POLR3A: variants seen among roughly 807,000 people sequenced by gnomAD.
POLR3A encodes RNA polymerase III subunit A, also known as DNA-directed RNA polymerase III subunit RPC1.
In POLR3A, 112 loss-of-function variants were observed where a neutral mutation model predicts 152.8. The observed-to-expected ratio is 0.73, with a 90% confidence interval of 0.63 to 0.86. POLR3A has a LOEUF of 0.86. Among genes scored for constraint, POLR3A ranks in the 40% least tolerant of loss-of-function variants. The pLI, the probability that POLR3A is intolerant of heterozygous loss-of-function variation, is 0.00. For missense variants in POLR3A, 1,385 were observed against 1,743.1 expected (o/e 0.79, Z 3.66); for synonymous variants, 615 against 652.1 (o/e 0.94, Z 0.87).
Position 77,993,370 on chromosome 10 carries a change from A to G in POLR3A, c.2617-3T>C, listed in dbSNP as rs1369801001. The G allele has an allele frequency of 1.2e-6, 2 of 1,612,748 alleles. No individual in the cohort carries two copies. The highest frequency in any genetic ancestry group is 2.2e-5 in the East Asian group (1 of 44,854). On this transcript the variant is annotated splice_region_variant and splice_polypyrimidine_tract_variant and intron_variant, in intron 19 of 30. Transcript: ENST00000372371. ...TCAAGAGATTTGACAAGCCTTCGCT[A>G]AAGGAAAAGGAGGAAAAAGCTCAGC...
Position 78,019,256 on chromosome 10 carries a change from C to A in POLR3A, c.1195G>T (p.Ala399Ser). Residue 399 changes from alanine (A) to serine (S), a missense_variant, in exon 9 of 31, where the codon GCA becomes TCA. Physicochemically the swap from Ala to Ser is moderately conservative, Grantham distance 99. Coordinates refer to ENST00000372371, the MANE Select transcript of POLR3A (RefSeq NM_007055.4). ...AGTTTCCTCAAGAAATTGATGTTTG[C>A]TTTGTTTACCTGCAGTACAAAAAAA... ...ILTFPEKVNK[A>S]NINFLRKLVQ... is the part of the protein sequence containing the mutation. 4 of 1,612,430 alleles carry A rather than the reference C, an allele frequency of 2.5e-6. No homozygotes were observed. Among genetic ancestry groups the A allele is most frequent in the Non-Finnish European group, 3.4e-6 (4 of 1,178,652 alleles).
At position 78,009,898 on chromosome 10, in the gene POLR3A, A is replaced by T. The variant is rs1460084209; in HGVS notation, c.1736T>A (p.Ile579Asn). 1.2e-6 allele frequency: 2 copies of T among 1,614,048 alleles called. No homozygotes were observed. Among genetic ancestry groups the T allele is most frequent in the African/African-American group, 2.7e-5 (2 of 74,966 alleles). ...TGTAGGCGGTGGGAGGCGAACTTTA[A>T]TTTTCTCATCCTTGCCAACCAGTAT... is the stretch of plus-strand genomic sequence containing the variant. ...ASILVGKDEKIKVRLPPPTIL... is the reference protein window; with the variant it reads ...ASILVGKDEKNKVRLPPPTIL... The change falls in exon 13 of 31, where the codon ATT (isoleucine) becomes AAT (asparagine). Residue 579 changes from isoleucine to asparagine, a missense_variant. Ile to Asn is a moderately radical substitution (Grantham distance 149). Transcript: ENST00000372371.
intron 11 of POLR3A, among the ~76,000 whole-genome samples, chr10:78,011,854 G>A (rs957748104): frequency 6.6e-6 from 1 of 152,122 alleles, no homozygotes; most frequent in African/African-American, 2.4e-5. Flanking sequence ...TGGTAACTAA[G>A]GATTCTTCTA....
intron 16 of POLR3A, among the ~76,000 whole-genome samples, chr10:78,003,593 C>T (rs1035850402): frequency 1.5e-4 from 23 of 152,242 alleles, no homozygotes; most frequent in Admixed American, 1.2e-3. Flanking sequence ...CTCCCTCTTC[C>T]GCATCCAAGT....
intron 14 of POLR3A, 101 bp from the exon 15 acceptor site, chr10:78,007,967 C>G: frequency 4.7e-6 from 3 of 635,818 alleles, no homozygotes; most frequent in Non-Finnish European, 7.3e-6. Flanking sequence ...CATACTGACA[C>G]TTAAAGCAGA....
chr10:78,029,487 G>T lies in POLR3A; in HGVS notation c.-80C>A. ...GATGCCCCCAGCACCTCCTGGGGCT[G>T]CTTCTGGACTCGCCGCTAACACATC... is the stretch of plus-strand genomic sequence containing the variant. On this transcript the variant is annotated 5_prime_UTR_variant, in exon 1 of 31. Coordinates refer to ENST00000372371, the MANE Select transcript of POLR3A (RefSeq NM_007055.4). 1.4e-6 allele frequency: 2 copies of T among 1,421,648 alleles called. No individual in the cohort carries two copies. The highest frequency in any genetic ancestry group is 2.0e-6 in the Non-Finnish European group (2 of 1,009,972). The allele number at this position is 1,421,648 out of a possible 1,614,324, so 88.1% of individuals were successfully genotyped here. A position where few individuals can be genotyped will look rare whatever the true frequency, so the allele number is the denominator to read the frequency against.
chr10:78,015,203 G>A (rs1847507097), intron 10 of POLR3A, among the ~76,000 whole-genome samples: 1 of 152,294 alleles, frequency 6.6e-6, no homozygotes, highest in Middle Eastern at 3.4e-3. Context: ...ACAGATATGG[G>A]TTCATCGAAG....
At chr10:78,010,941 C>T (rs1028331257) in intron 11 of POLR3A, among the ~76,000 whole-genome samples, 3 of 152,152 alleles carry the variant, frequency 2.0e-5, no homozygotes, top group African/African-American at 7.2e-5. Flanking sequence ...CCTCATGGGG[C>T]TCAAGTGATC....
intron 15 of POLR3A, among the ~76,000 whole-genome samples, chr10:78,007,166 A>G (rs1847419761): frequency 6.6e-6 from 1 of 152,234 alleles, no homozygotes; most frequent in South Asian, 2.1e-4. Flanking sequence ...GTAGAGCAGT[A>G]CCTTCAAAAT....
rs766854953 is a variant in POLR3A, at chr10:78,021,604, C to T, written c.1127G>A (p.Arg376Gln). The T allele has an allele frequency of 2.0e-5, 33 of 1,614,078 alleles. No homozygotes were observed. The highest frequency in any genetic ancestry group is 2.5e-5 in the Non-Finnish European group (30 of 1,179,960). Residue 376 changes from arginine to glutamine, a missense_variant, in exon 8 of 31, where the codon CGG becomes CAG. Physicochemically the swap from Arg to Gln is conservative, Grantham distance 43. Around this residue, in one of 7 missense-constraint regions of POLR3A, gnomAD observed 493 missense variants for 647.5 expected, o/e 0.76. Transcript: ENST00000372371. ...AACTGGCACAGCTACCTCATCAATC[C>T]GGAGGTTGGGGTCGGGCGAGATGAC... ...RTVISPDPNL[R>Q]IDEVAVPVHV... is the part of the protein sequence containing the mutation.
chr10:77,985,893 G>A lies in POLR3A; in HGVS notation c.3071+10C>T, dbSNP rs1419231296. The A allele has an allele frequency of 1.2e-6, 2 of 1,607,160 alleles. No homozygotes were observed. The highest frequency in any genetic ancestry group is 2.2e-5 in the South Asian group (2 of 90,968). On this transcript the variant is annotated intron_variant, in intron 23 of 30. Transcript: ENST00000372371. Reference sequence around the variant, plus strand: ...GGATGACCGTCAGTCCAAGACAAAAGCATCCCTACCTCATGTACTTGTCCC... The same window carrying A: ...GGATGACCGTCAGTCCAAGACAAAAACATCCCTACCTCATGTACTTGTCCC...
intron 15 of POLR3A, among the ~76,000 whole-genome samples, chr10:78,005,106 G>C (rs151033603): frequency 3.9e-4 from 60 of 152,296 alleles, no homozygotes; most frequent in African/African-American, 1.3e-3. Flanking sequence ...AAATGACTAG[G>C]ACTCAACTGA....
At chr10:78,004,018 G>A (rs149639273) in intron 16 of POLR3A, among the ~76,000 whole-genome samples, 4,382 of 150,342 alleles carry the variant, frequency 0.029, 210 homozygotes, top group African/African-American at 0.1. Context: ...GGCAGATCAC[G>A]AGGTCAGGAG....
intron 9 of POLR3A, 116 bp from the exon 10 acceptor site, chr10:78,017,832 C>A: frequency 8.6e-7 from 1 of 1,165,082 alleles, no homozygotes; most frequent in East Asian, 2.4e-5. Flanking sequence ...TAAGATGCCT[C>A]CATTTTAATG....
At chr10:77,993,096 T>C (rs1847264712) in intron 20 of POLR3A, 101 bp downstream of exon 20, 1 of 883,940 alleles carries the variant, frequency 1.1e-6, no homozygotes, top group Non-Finnish European at 1.9e-6. Context: ...TTATAAATAC[T>C]GAAGTATTTA....
At chr10:77,985,874 C>A in intron 23 of POLR3A, 29 bp downstream of exon 23, 2 of 1,544,762 alleles carry the variant, frequency 1.3e-6, no homozygotes, top group Non-Finnish European at 1.8e-6. Flanking sequence ...ATGTGGATGA[C>A]CGTCAGTCCA....
intron 30 of POLR3A, among the ~76,000 whole-genome samples, chr10:77,978,566 C>T (rs1847110517): frequency 6.6e-6 from 1 of 152,062 alleles, no homozygotes; most frequent in Non-Finnish European, 1.5e-5. Flanking sequence ...GGCAGACTTG[C>T]TCTTCTCTTG....
Position 78,024,547 on chromosome 10 carries a change from A to T in POLR3A, c.645+2T>A. On this transcript the variant is annotated splice_donor_variant, in intron 5 of 30. Transcript: ENST00000372371. LOFTEE classifies it high-confidence loss of function. ...AAGGCAGGCGTGCATTCTCAGGCTC[A>T]CCTGTGCCCTTCCCAGCAGAGGCTC... The T allele has an allele frequency of 6.2e-7, 1 of 1,613,018 alleles. No homozygotes were observed. Among genetic ancestry groups the T allele is most frequent in the South Asian group, 1.1e-5 (1 of 91,006 alleles).
chr10:78,001,100 G>A lies in POLR3A; in HGVS notation c.2360-6C>T. On this transcript the variant is annotated splice_polypyrimidine_tract_variant and splice_region_variant and intron_variant, in intron 17 of 30. Transcript: ENST00000372371. ...TGATATGTTAATGAAGGAACCTGGGGACATGGACCAGAAATGTAACATTCA... is the reference window on the plus strand; with the variant it reads ...TGATATGTTAATGAAGGAACCTGGGAACATGGACCAGAAATGTAACATTCA... 1 of 1,430,974 alleles carries A rather than the reference G, an allele frequency of 7.0e-7. No homozygotes were observed. The highest frequency in any genetic ancestry group is 9.9e-7 in the Non-Finnish European group (1 of 1,013,968). The allele number at this position is 1,430,974 out of a possible 1,614,324, so 88.6% of individuals were successfully genotyped here.
Sources: allele counts gnomAD v4.1 joint callset (sites outside exome capture counted in the v4.1 genomes callset), GRCh38; gene constraint gnomAD v4.1.1; regional missense constraint gnomAD v4.1.1; transcripts MANE v1.5; gene names NCBI Gene and HGNC (gene_info 2026-07-23, HGNC 2026-07-21).